The following ACOXL variants were observed in gnomAD, a reference collection of about 807,000 sequenced individuals.
ACOXL encodes the protein acyl-CoA oxidase like.
Under a neutral mutation model 71.9 loss-of-function variants are expected in ACOXL, and 70 were observed. The ratio of observed to expected loss-of-function variants is 0.97; its 90% CI spans 0.80 to 1.19. ACOXL has a LOEUF of 1.19. Among genes scored for constraint, ACOXL ranks in the 50% most tolerant of loss-of-function variants. ACOXL has a pLI of 0.00. For missense variants in ACOXL, 703 were observed against 736.3 expected (o/e 0.95, Z 0.52); for synonymous variants, 253 against 281.6 (o/e 0.90, Z 1.02).
intron 3 of ACOXL, among the ~76,000 whole-genome samples, chr2:110,790,715 G>A (rs1198826055): frequency 6.6e-6 from 1 of 152,090 alleles, no homozygotes; most frequent in Admixed American, 6.5e-5. Flanking sequence ...GAACCACAGT[G>A]TCCTCTCGGA....
intron 16 of ACOXL, among the ~76,000 whole-genome samples, chr2:111,055,716 T>C (rs1410007088): frequency 6.6e-6 from 1 of 152,252 alleles, no homozygotes; most frequent in Non-Finnish European, 1.5e-5. Flanking sequence ...GATTCTTTTC[T>C]GGGGTATGAC....
intron 15 of ACOXL, among the ~76,000 whole-genome samples, chr2:111,044,859 C>T (rs982135694): frequency 1.3e-5 from 2 of 152,152 alleles, no homozygotes; most frequent in Admixed American, 1.3e-4. Flanking sequence ...CATGCTGCTC[C>T]ATATTTTTTT....
chr2:110,770,556 G>A (rs567567110), intron 2 of ACOXL, among the ~76,000 whole-genome samples: 135 of 152,348 alleles, frequency 8.9e-4, no homozygotes, highest in African/African-American at 3.2e-3. Flanking sequence ...AAAGTGGAGC[G>A]TGCTTGCGAA....
chr2:110,870,034 C>A (rs1217662030), intron 10 of ACOXL, among the ~76,000 whole-genome samples: 1 of 152,256 alleles, frequency 6.6e-6, no homozygotes, highest in Non-Finnish European at 1.5e-5. Flanking sequence ...TCCTTCACAG[C>A]CTATTTAAAC....
intron 10 of ACOXL, among the ~76,000 whole-genome samples, chr2:110,864,683 T>TA (rs1200511860): frequency 1.3e-5 from 2 of 152,244 alleles, no homozygotes; most frequent in East Asian, 3.8e-4. Flanking sequence ...ATTGCTAACA[T>TA]ATGCCTCCAA....
chr2:110,837,787 A>T (rs1035418484), intron 9 of ACOXL, among the ~76,000 whole-genome samples: 1 of 152,198 alleles, frequency 6.6e-6, no homozygotes, highest in African/African-American at 2.4e-5. Context: ...CAAATTGTGT[A>T]AATCTAAAAT....
At chr2:110,810,690 C>T (rs1451215194) in intron 9 of ACOXL, among the ~76,000 whole-genome samples, 1 of 152,186 alleles carries the variant, frequency 6.6e-6, no homozygotes, top group African/African-American at 2.4e-5. Context: ...TCCATTCATC[C>T]CACCCATCCC....
chr2:111,061,451 A>G (rs894876692), intron 16 of ACOXL, among the ~76,000 whole-genome samples: 3 of 149,040 alleles, frequency 2.0e-5, no homozygotes, highest in Admixed American at 1.3e-4. Context: ...AAGTCAAGCT[A>G]TCCTCAGATT....
rs142644415 is a variant in ACOXL, at chr2:110,860,598, G to A, written c.788+19193G>A. 5.2e-3 allele frequency among the ~76,000 whole-genome samples: 786 copies of A among 152,268 alleles called. 1 individual carries two copies. The highest frequency in any genetic ancestry group is 0.01 in the Middle Eastern group (3 of 294). On this transcript the variant is annotated intron_variant, in intron 10 of 17. Coordinates refer to ENST00000439055, the MANE Select transcript of ACOXL (RefSeq NM_001142807.4). ...GTCCCCAACTTGCTTACTGGTCTTC[G>A]GGAAAAGATCAGTGTGTGTACTTAA...
intron 12 of ACOXL, among the ~76,000 whole-genome samples, chr2:110,941,740 G>A (rs564399996): frequency 6.6e-6 from 1 of 152,136 alleles, no homozygotes; most frequent in African/African-American, 2.4e-5. Flanking sequence ...AAAAATAAAG[G>A]TATAACAAAG....
Position 110,820,225 on chromosome 2 carries a change from A to C in ACOXL, c.753+14830A>C, listed in dbSNP as rs184632932. Among the ~76,000 whole-genome samples the C allele has an allele frequency of 1.5e-3, 229 of 152,188 alleles. 1 individual carries two copies. Among genetic ancestry groups the C allele is most frequent in the Admixed American group, 0.014 (211 of 15,286 alleles). On this transcript the variant is annotated intron_variant, in intron 9 of 17. Transcript: ENST00000439055. The stretch of plus-strand genomic sequence containing the variant: ...TTTGAGTGCTGTGGGGTTGAGGAAT[A>C]GTGTTTTAGTGGGAGGAACAACAGG...
intron 2 of ACOXL, among the ~76,000 whole-genome samples, chr2:110,782,090 AATT>A (rs148588795): frequency 0.013 from 1,910 of 152,284 alleles, 45 homozygotes; most frequent in African/African-American, 0.043. Context: ...AAATTTATGG[AATT>A]ATTATTATTT....
rs933385156 is a variant in ACOXL, at chr2:110,750,471, G to A, written c.-23+17697G>A. Among the ~76,000 whole-genome samples the A allele has an allele frequency of 2.0e-5, 3 of 151,630 alleles. 1 individual carries two copies. The highest frequency in any genetic ancestry group is 4.1e-4 in the South Asian group (2 of 4,826). ...GCCCTAGTTTCTTTTATTTGAGAAC[G>A]GTATTTAGAAACCAACTTTTGTGCA... On this transcript the variant is annotated intron_variant, in intron 1 of 17. Coordinates refer to ENST00000439055, the MANE Select transcript of ACOXL (RefSeq NM_001142807.4).
intron 14 of ACOXL, 68 bp from the exon 15 acceptor site, chr2:111,031,559 G>A (rs1422648189): frequency 5.6e-6 from 8 of 1,425,874 alleles, no homozygotes; most frequent in Middle Eastern, 1.7e-4. Flanking sequence ...TTTGCCGTCT[G>A]TCTTGCTATT....
intron 12 of ACOXL, among the ~76,000 whole-genome samples, chr2:110,939,920 A>C (rs918818646): frequency 6.6e-6 from 1 of 152,206 alleles, no homozygotes; most frequent in African/African-American, 2.4e-5. Context: ...GATGATTGGT[A>C]TTGTCAGTAC....
At chr2:110,746,903 C>G (rs1678299486) in intron 1 of ACOXL, among the ~76,000 whole-genome samples, 1 of 150,912 alleles carries the variant, frequency 6.6e-6, no homozygotes, top group Admixed American at 6.6e-5. Flanking sequence ...CTCACTTTAT[C>G]TGTTCTTATC....
intron 17 of ACOXL, among the ~76,000 whole-genome samples, chr2:111,095,391 CTTTTT>C (rs780172456): frequency 8.6e-6 from 1 of 116,592 alleles, no homozygotes; most frequent in Admixed American, 1.0e-4. Flanking sequence ...TTTTCTTTTT[CTTTTT>C]TTTTTTTTTT....
At chr2:110,963,827 G>A in intron 12 of ACOXL, 1 of 1,418,102 alleles carries the variant, frequency 7.1e-7, no homozygotes, top group African/African-American at 1.4e-5. Flanking sequence ...TTCCTGTTAG[G>A]CACTTGATAT....
intron 2 of ACOXL, among the ~76,000 whole-genome samples, chr2:110,773,187 CTAT>C (rs1385965712): frequency 1.3e-5 from 2 of 152,006 alleles, no homozygotes; most frequent in East Asian, 3.9e-4. Flanking sequence ...TATATTATGA[CTAT>C]TATTTTTATC....
Sources: gnomAD v4.1 joint callset for allele counts (sites outside exome capture counted in the v4.1 genomes callset) on GRCh38, gnomAD v4.1.1 for gene constraint, MANE v1.5 for transcripts, NCBI Gene and HGNC (gene_info 2026-07-23, HGNC 2026-07-21) for gene names.